Variants in CSGALNACT1 observed in about 807,000 individuals in gnomAD.
CSGALNACT1 encodes the protein beta4GalNAcT-1.
In CSGALNACT1, 52 loss-of-function variants were observed where a neutral mutation model predicts 51.0. The observed-to-expected ratio is 1.02, with a 90% CI of 0.82 to 1.29. CSGALNACT1 has a LOEUF of 1.29. Ranked by LOEUF, CSGALNACT1 falls within the 50% of genes most tolerant of loss-of-function variation. The pLI is 0.00. For synonymous variants in CSGALNACT1, 341 were observed against 254.4 expected, an observed-to-expected ratio of 1.34 and a Z score of -3.24; for missense variants, 935 against 679.2, an observed-to-expected ratio of 1.38 and a Z score of -4.19.
intron 8 of CSGALNACT1, among the ~76,000 whole-genome samples, chr8:19,411,471 A>G (rs1413318835): frequency 6.6e-6 from 1 of 152,228 alleles, no homozygotes; most frequent in African/African-American, 2.4e-5. Context: ...AGCCGTCCCT[A>G]GGGCAGAGAT....
chr8:19,553,582 CAT>C (rs544360926), intron 3 of CSGALNACT1, among the ~76,000 whole-genome samples: 5 of 131,402 alleles, frequency 3.8e-5, no homozygotes, highest in Admixed American at 7.6e-5. Context: ...AAGCTCAAAC[CAT>C]ATATATATAT....
chr8:19,599,474 A>AAGAAAG (rs1215919290), intron 2 of CSGALNACT1, among the ~76,000 whole-genome samples: 2 of 71,360 alleles, frequency 2.8e-5, no homozygotes, highest in African/African-American at 5.7e-5. Context: ...AAGAAAGAAA[A>AAGAAAG]AGAAAGAAAG....
chr8:19,650,410 G>C (rs908874301), intron 1 of CSGALNACT1, among the ~76,000 whole-genome samples: 1 of 152,186 alleles, frequency 6.6e-6, no homozygotes, highest in African/African-American at 2.4e-5. Flanking sequence ...AAAAGATCCA[G>C]GAGGGGTTCT....
At chr8:19,735,885 A>G (rs2063940158) in intron 1 of CSGALNACT1, among the ~76,000 whole-genome samples, 1 of 152,222 alleles carries the variant, frequency 6.6e-6, no homozygotes, top group Admixed American at 6.5e-5. Context: ...GAACAAATAT[A>G]TAGCATAGAA....
intron 1 of CSGALNACT1, among the ~76,000 whole-genome samples, chr8:19,708,813 G>A (rs995206470): frequency 2.0e-5 from 3 of 152,298 alleles, no homozygotes; most frequent in South Asian, 4.1e-4. Flanking sequence ...TGAGTGGAGG[G>A]GCAGGTGAGT....
chr8:19,467,476 A>G (rs2066979056), intron 4 of CSGALNACT1, among the ~76,000 whole-genome samples: 1 of 152,104 alleles, frequency 6.6e-6, no homozygotes, highest in East Asian at 1.9e-4. Flanking sequence ...GAGAACTGCA[A>G]TGTATTTCTC....
At chr8:19,433,644 G>A (rs922070146) in intron 6 of CSGALNACT1, among the ~76,000 whole-genome samples, 3 of 152,190 alleles carry the variant, frequency 2.0e-5, no homozygotes, top group African/African-American at 4.8e-5. Flanking sequence ...GGTGTCTTCC[G>A]AGGAACCTCC....
chr8:19,488,580 G>T (rs937993499), intron 4 of CSGALNACT1, among the ~76,000 whole-genome samples: 1 of 151,648 alleles, frequency 6.6e-6, no homozygotes, highest in African/African-American at 2.4e-5. Flanking sequence ...CTATTCAGAA[G>T]GGTATGAAGA....
chr8:19,519,976 G>A (rs60326174), intron 3 of CSGALNACT1, among the ~76,000 whole-genome samples: 1,755 of 152,340 alleles, frequency 0.012, 38 homozygotes, highest in African/African-American at 0.04. Flanking sequence ...AGCACCCACT[G>A]TGGCAATGCC....
intron 1 of CSGALNACT1, among the ~76,000 whole-genome samples, chr8:19,671,916 T>C (rs1204383821): frequency 6.6e-6 from 1 of 152,202 alleles, no homozygotes; most frequent in Non-Finnish European, 1.5e-5. Context: ...GAGAATTCCA[T>C]CTCATGAATG....
At chr8:19,564,913 G>C (rs1029704954) in intron 3 of CSGALNACT1, among the ~76,000 whole-genome samples, 8 of 152,330 alleles carry the variant, frequency 5.3e-5, no homozygotes, top group African/African-American at 1.9e-4. Flanking sequence ...CAGGGATTCA[G>C]TAAATATTGG....
intron 4 of CSGALNACT1, among the ~76,000 whole-genome samples, chr8:19,460,851 C>G (rs2065208412): frequency 6.6e-6 from 1 of 152,150 alleles, no homozygotes. Flanking sequence ...TCCTATAGCA[C>G]TGGTTTTATA....
At chr8:19,515,117 A>G (rs1200452067) in intron 3 of CSGALNACT1, among the ~76,000 whole-genome samples, 1 of 151,946 alleles carries the variant, frequency 6.6e-6, no homozygotes, top group African/African-American at 2.4e-5. Flanking sequence ...CCAGCCTCAG[A>G]GTGCCTTTCC....
At chr8:19,408,268 C>T (rs2054752912) in intron 9 of CSGALNACT1, among the ~76,000 whole-genome samples, 1 of 151,976 alleles carries the variant, frequency 6.6e-6, no homozygotes, top group Non-Finnish European at 1.5e-5. Flanking sequence ...CCACCTACTA[C>T]CAGGCCCCCT....
intron 1 of CSGALNACT1, among the ~76,000 whole-genome samples, chr8:19,646,460 C>T (rs951383528): frequency 1.3e-5 from 2 of 152,120 alleles, no homozygotes; most frequent in African/African-American, 4.8e-5. Flanking sequence ...AACATGAAAA[C>T]GGATCATAAT....
At position 19,716,785 on chromosome 8, in the gene CSGALNACT1, T is replaced by C. The variant is rs572601840; in HGVS notation, c.-297+41065A>G. On this transcript the variant is annotated intron_variant, in intron 1 of 1. Transcript: ENST00000517494. The stretch of plus-strand genomic sequence containing the variant: ...CCAACCTGGGTGACGGAGTGAGACT[T>C]TTTCTCAAAAAAAAAAAATTAATAT... 5.3e-5 allele frequency among the ~76,000 whole-genome samples: 8 copies of C among 150,068 alleles called. No individual in the cohort carries two copies. The East Asian group carries it at 1.5e-3, about 29-fold the overall frequency.
intron 1 of CSGALNACT1, among the ~76,000 whole-genome samples, chr8:19,746,928 A>C (rs1369017218): frequency 6.6e-6 from 1 of 152,224 alleles, no homozygotes; most frequent in Non-Finnish European, 1.5e-5. Context: ...ATCTGCCCCA[A>C]GAATAACACA....
At chr8:19,747,329 T>C (rs1412782376) in intron 1 of CSGALNACT1, among the ~76,000 whole-genome samples, 1 of 152,034 alleles carries the variant, frequency 6.6e-6, no homozygotes, top group Non-Finnish European at 1.5e-5. Flanking sequence ...TGGTTCTACA[T>C]ACAGGGTCTA....
At chr8:19,423,577 C>A (rs1284985507) in intron 6 of CSGALNACT1, among the ~76,000 whole-genome samples, 3 of 152,122 alleles carry the variant, frequency 2.0e-5, no homozygotes, top group Non-Finnish European at 2.9e-5. Flanking sequence ...GGCTTCCTGT[C>A]ATAGTCATGG....
Sources: gnomAD v4.1 joint callset for allele counts (sites outside exome capture counted in the v4.1 genomes callset) on GRCh38, gnomAD v4.1.1 for gene constraint, MANE v1.5 for transcripts, NCBI Gene and HGNC (gene_info 2026-07-23, HGNC 2026-07-21) for gene names.